Variants in GRIP1 observed in about 807,000 individuals in gnomAD.
GRIP1 encodes glutamate receptor-interacting protein 1.
GRIP1 carries 45 observed loss-of-function variants against 129.9 expected under a neutral mutation model. The observed-to-expected ratio is 0.35, with a 90% CI of 0.27 to 0.44. The LOEUF is 0.44. Among genes scored for constraint, GRIP1 ranks in the 20% least tolerant of loss-of-function variants. The pLI, the probability that GRIP1 is intolerant of heterozygous loss-of-function variation, is 1.00. For missense variants in GRIP1, 1,196 were observed against 1,396.8 expected (o/e 0.86, Z 2.29); for synonymous variants, 530 against 520.8 (o/e 1.02, Z -0.24).
intron 15 of GRIP1, among the ~76,000 whole-genome samples, chr12:66,415,735 A>T (rs1240717223): frequency 6.6e-6 from 1 of 152,216 alleles, no homozygotes; most frequent in Admixed American, 6.5e-5. Flanking sequence ...AATACTATGC[A>T]GCCATAAAAA....
intron 2 of GRIP1, among the ~76,000 whole-genome samples, chr12:66,580,485 C>T (rs1298938973): frequency 6.6e-6 from 1 of 152,034 alleles, no homozygotes; most frequent in African/African-American, 2.4e-5. Context: ...GAGTCAAGAC[C>T]CATCAGTGTG....
chr12:67,047,419 T>C (rs1172479920), intron 1 of GRIP1, among the ~76,000 whole-genome samples: 1 of 152,184 alleles, frequency 6.6e-6, no homozygotes, highest in Non-Finnish European at 1.5e-5. Flanking sequence ...CTTTTTTCTG[T>C]TTTATTTCAC....
intron 1 of GRIP1, among the ~76,000 whole-genome samples, chr12:66,707,298 G>A (rs1299824275): frequency 2.0e-5 from 3 of 151,760 alleles, no homozygotes; most frequent in Middle Eastern, 3.2e-3. Flanking sequence ...CCCTTAGATA[G>A]TGAGATCTAA....
chr12:66,673,247 A>T (rs2034166374), intron 1 of GRIP1, among the ~76,000 whole-genome samples: 1 of 152,178 alleles, frequency 6.6e-6, no homozygotes, highest in Non-Finnish European at 1.5e-5. Flanking sequence ...GCAAGATTTA[A>T]ATGAGTTAGT....
At chr12:66,769,508 G>A (rs772340404) in intron 1 of GRIP1, among the ~76,000 whole-genome samples, 5 of 152,106 alleles carry the variant, frequency 3.3e-5, no homozygotes, top group Admixed American at 1.3e-4. Flanking sequence ...GAGAAACAGC[G>A]AATTCCCTGT....
At chr12:66,570,048 C>T (rs577688814) in intron 2 of GRIP1, among the ~76,000 whole-genome samples, 1 of 152,258 alleles carries the variant, frequency 6.6e-6, no homozygotes, top group Non-Finnish European at 1.5e-5. Context: ...CTATAAAATG[C>T]ATCCCAGTTC....
intron 1 of GRIP1, among the ~76,000 whole-genome samples, chr12:66,766,236 G>A (rs980669207): frequency 1.2e-4 from 19 of 152,212 alleles, no homozygotes; most frequent in Admixed American, 9.2e-4. Context: ...TTCATATATC[G>A]ACCAGGAATG....
At chr12:66,839,530 T>G (rs1002595319) in intron 1 of GRIP1, among the ~76,000 whole-genome samples, 3 of 152,150 alleles carry the variant, frequency 2.0e-5, no homozygotes, top group African/African-American at 7.2e-5. Flanking sequence ...ATATGAAGAC[T>G]CACAATAGTA....
intron 4 of GRIP1, among the ~76,000 whole-genome samples, chr12:66,531,252 A>AAAATATATATATATAT (rs1565833708): frequency 5.1e-5 from 1 of 19,476 alleles, no homozygotes; most frequent in Non-Finnish European, 7.5e-5. Flanking sequence ...AAAAAAAAAA[A>AAAATATATATATATAT]ATATATATAT....
chr12:66,570,209 C>A (rs10878454), intron 2 of GRIP1, among the ~76,000 whole-genome samples: 1 of 152,014 alleles, frequency 6.6e-6, no homozygotes, highest in Non-Finnish European at 1.5e-5. Flanking sequence ...CCTTGAATTC[C>A]TGGGCTCAAG....
chr12:66,890,050 C>G (rs1423518881), intron 1 of GRIP1, among the ~76,000 whole-genome samples: 2 of 152,074 alleles, frequency 1.3e-5, no homozygotes, highest in Non-Finnish European at 2.9e-5. Context: ...TCCCAACAGC[C>G]TCCCAATAGC....
rs182301318 is a variant in GRIP1, at chr12:66,500,052, G to A, written c.724+15567C>T. 4.1e-4 allele frequency among the ~76,000 whole-genome samples: 63 copies of A among 152,192 alleles called. 1 individual carries two copies. The highest frequency in any genetic ancestry group is 8.8e-5 in the Non-Finnish European group (6 of 68,002). On this transcript the variant is annotated intron_variant, in intron 7 of 24. Transcript: ENST00000359742. Reference sequence around the variant, plus strand: ...GAAACAGGAACAATTTTGAAAGGCTGTAATAGCAGAGTAAGAAAATTAATC... The same window carrying A: ...GAAACAGGAACAATTTTGAAAGGCTATAATAGCAGAGTAAGAAAATTAATC...
intron 11 of GRIP1, among the ~76,000 whole-genome samples, chr12:66,452,496 A>G (rs2058835941): frequency 6.6e-6 from 1 of 152,202 alleles, no homozygotes; most frequent in African/African-American, 2.4e-5. Flanking sequence ...AGAATGTTTT[A>G]ATTTTCATGT....
At chr12:66,861,178 GAT>G in intron 1 of GRIP1, among the ~76,000 whole-genome samples, 1 of 152,100 alleles carries the variant, frequency 6.6e-6, no homozygotes, top group Admixed American at 6.6e-5. Context: ...TCTGGCATAT[GAT>G]ACACATTTAT....
chr12:66,768,252 T>C (rs1325689534), intron 1 of GRIP1, among the ~76,000 whole-genome samples: 1 of 152,226 alleles, frequency 6.6e-6, no homozygotes. Context: ...TTACTGGTAC[T>C]TTCTGATGAA....
chr12:66,804,618 G>A (rs1477455180), upstream of GRIP1, among the ~76,000 whole-genome samples: 1 of 152,088 alleles, frequency 6.6e-6, no homozygotes, highest in Non-Finnish European at 1.5e-5. Flanking sequence ...CTCATCATCG[G>A]GGCGGGGGTA....
At chr12:67,029,495 C>G (rs2042988925) in intron 1 of GRIP1, among the ~76,000 whole-genome samples, 1 of 150,492 alleles carries the variant, frequency 6.6e-6, no homozygotes, top group African/African-American at 2.4e-5. Context: ...GGGAGGATCA[C>G]CTGAGCCCAG....
At chr12:66,622,544 T>C (rs866574890) in intron 1 of GRIP1, among the ~76,000 whole-genome samples, 4 of 152,220 alleles carry the variant, frequency 2.6e-5, no homozygotes, top group African/African-American at 4.8e-5. Flanking sequence ...CATGAATACA[T>C]ACTATGTACC....
At chr12:66,455,769 A>C (rs1364930445) in intron 10 of GRIP1, among the ~76,000 whole-genome samples, 1 of 152,262 alleles carries the variant, frequency 6.6e-6, no homozygotes, top group African/African-American at 2.4e-5. Context: ...CAGGATCTTT[A>C]TAAGCTCATA....
Sources: gnomAD v4.1 joint callset for allele counts (sites outside exome capture counted in the v4.1 genomes callset) on GRCh38, gnomAD v4.1.1 for gene constraint, MANE v1.5 for transcripts, NCBI Gene and HGNC (gene_info 2026-07-23, HGNC 2026-07-21) for gene names.